Variants in DNAH7 observed in about 807,000 individuals in gnomAD.
DNAH7 encodes dynein axonemal heavy chain 7.
A neutral mutation model predicts 444.6 loss-of-function variants in DNAH7; 397 were observed. The ratio of observed to expected loss-of-function variants is 0.89; its 90% CI spans 0.82 to 0.97. DNAH7 has a LOEUF of 0.97. Among genes scored for constraint, DNAH7 ranks in the 50% least tolerant of loss-of-function variants. DNAH7 has a pLI of 0.00. For missense variants in DNAH7, 4,902 were observed against 4,800.8 expected (o/e 1.02, Z -0.62); for synonymous variants, 1,636 against 1,624.4 (o/e 1.01, Z -0.17).
intron 5 of DNAH7, among the ~76,000 whole-genome samples, chr2:196,042,100 C>T (rs959497299): frequency 6.6e-6 from 1 of 151,930 alleles, no homozygotes; most frequent in Non-Finnish European, 1.5e-5. Context: ...AGAATTCACA[C>T]ACACATTGTT....
chr2:195,907,214 T>C (rs1687083794), intron 25 of DNAH7, among the ~76,000 whole-genome samples: 1 of 152,190 alleles, frequency 6.6e-6, no homozygotes, highest in Non-Finnish European at 1.5e-5. Context: ...TGGAAAATTT[T>C]CCAATTAACA....
At chr2:195,979,997 GA>G (rs1389772304) in intron 15 of DNAH7, among the ~76,000 whole-genome samples, 1 of 129,472 alleles carries the variant, frequency 7.7e-6, no homozygotes, top group Non-Finnish European at 1.6e-5. Flanking sequence ...TCCCAACAAG[GA>G]AAAGCCCACG....
chr2:195,812,532 A>G (rs1400755897), intron 51 of DNAH7, among the ~76,000 whole-genome samples: 1 of 152,064 alleles, frequency 6.6e-6, no homozygotes, highest in African/African-American at 2.4e-5. Flanking sequence ...TTATTCTGTT[A>G]CATAAATTCT....
intron 58 of DNAH7, among the ~76,000 whole-genome samples, chr2:195,778,618 G>GGAAAAAAAAAAAAAAAAAAA (rs1365539221): frequency 4.6e-5 from 1 of 21,790 alleles, no homozygotes; most frequent in African/African-American, 2.0e-4. Context: ...GACCCTGTCT[G>GGAAAAAAAAAAAAAAAAAAA]AAAAAAAAAA....
chr2:195,744,579 G>A (rs1024777228), intron 63 of DNAH7, among the ~76,000 whole-genome samples: 23 of 152,194 alleles, frequency 1.5e-4, no homozygotes, highest in Non-Finnish European at 2.4e-4. Flanking sequence ...CCTCACCCCC[G>A]AGCAGCCTAA....
chr2:195,931,587 A>C (rs534720073), intron 21 of DNAH7, among the ~76,000 whole-genome samples: 4 of 151,754 alleles, frequency 2.6e-5, no homozygotes, highest in South Asian at 2.1e-4. Flanking sequence ...TCCATCTTGA[A>C]TTAATTTTTG....
chr2:195,898,010 T>C (rs575458473), intron 28 of DNAH7, among the ~76,000 whole-genome samples: 1 of 152,166 alleles, frequency 6.6e-6, no homozygotes, highest in Admixed American at 6.5e-5. Context: ...ATATGCTAAG[T>C]AAAGAGGTAT....
intron 19 of DNAH7, among the ~76,000 whole-genome samples, chr2:195,949,201 G>T (rs1690041202): frequency 6.6e-6 from 1 of 152,148 alleles, no homozygotes; most frequent in Non-Finnish European, 1.5e-5. Context: ...TGAGACAATG[G>T]AGTTTTCTAA....
chr2:196,059,581 T>C (rs927186179), intron 1 of DNAH7, among the ~76,000 whole-genome samples: 1 of 152,216 alleles, frequency 6.6e-6, no homozygotes, highest in African/African-American at 2.4e-5. Flanking sequence ...ATAGCTCCCA[T>C]GGTGTGGCTG....
intron 34 of DNAH7, among the ~76,000 whole-genome samples, chr2:195,885,462 C>G (rs1343424908): frequency 6.6e-6 from 1 of 152,158 alleles, no homozygotes; most frequent in Non-Finnish European, 1.5e-5. Context: ...TCTACTTCAA[C>G]CCTATTCACC....
chr2:195,796,255 T>C (rs1696132236), intron 56 of DNAH7, among the ~76,000 whole-genome samples: 1 of 152,184 alleles, frequency 6.6e-6, no homozygotes, highest in African/African-American at 2.4e-5. Flanking sequence ...CTTTAGGCCA[T>C]TGTTATAAAA....
chr2:195,757,702 A>T (rs1694149303), intron 61 of DNAH7, among the ~76,000 whole-genome samples: 1 of 152,230 alleles, frequency 6.6e-6, no homozygotes, highest in South Asian at 2.1e-4. Context: ...TAGTAGATTT[A>T]GCATACAGAA....
In DNAH7 at chr2:195,864,277, T is replaced by A. The variant is rs1030474601; in HGVS notation, c.7378A>T (p.Met2460Leu). 1.1e-5 allele frequency: 17 copies of A among 1,614,010 alleles called. No individual in the cohort carries two copies. In the African/African-American group the frequency reaches 2.1e-4, roughly 20 times the overall value. The change falls in exon 41 of 65, where the codon ATG becomes TTG. Residue 2460 changes from methionine to leucine, a missense_variant. Transcript: ENST00000312428. ...TGGCTGCGGCAATGATCAATAAACA[T>A]GTTGAAAAGGGCTATGGGGCTGCCA... ...TDGSPIALFN[M>L]FIDHCRSQLH...
At chr2:195,810,471 A>C (rs1473521252) in intron 51 of DNAH7, among the ~76,000 whole-genome samples, 1 of 152,034 alleles carries the variant, frequency 6.6e-6, no homozygotes, top group African/African-American at 2.4e-5. Context: ...GAGTGCAGTG[A>C]TGCAATCTTG....
intron 4 of DNAH7, 147 bp from the exon 5 acceptor site, chr2:196,047,646 A>G (rs918156741): frequency 3.3e-5 from 17 of 519,310 alleles, no homozygotes; most frequent in Non-Finnish European, 5.2e-5. Flanking sequence ...TTTTTTTACT[A>G]TCAGGAGGTT....
chr2:195,873,810 G>A (rs1015680426), intron 38 of DNAH7, 116 bp from the exon 39 acceptor site: 2 of 690,830 alleles, frequency 2.9e-6, no homozygotes, highest in Non-Finnish European at 4.2e-6. Flanking sequence ...GGCACATGAA[G>A]TTAAGAGTAA....
At chr2:195,836,937 T>C (rs1430482366) in intron 47 of DNAH7, among the ~76,000 whole-genome samples, 2 of 152,234 alleles carry the variant, frequency 1.3e-5, no homozygotes, top group African/African-American at 4.8e-5. Context: ...CTACTCATGT[T>C]TGAACATCAG....
intron 5 of DNAH7, among the ~76,000 whole-genome samples, chr2:196,032,955 A>C (rs1276844643): frequency 6.6e-6 from 1 of 152,200 alleles, no homozygotes. Flanking sequence ...CTAATATATA[A>C]AAAGCAACTA....
At chr2:195,738,976 A>G (rs2105867747) in intron 64 of DNAH7, among the ~76,000 whole-genome samples, 1 of 152,318 alleles carries the variant, frequency 6.6e-6, no homozygotes, top group Non-Finnish European at 1.5e-5. Context: ...GGGGATCCAC[A>G]AGGCAGTTTT....
Sources: allele counts gnomAD v4.1 joint callset (sites outside exome capture counted in the v4.1 genomes callset), GRCh38; gene constraint gnomAD v4.1.1; transcripts MANE v1.5; gene names NCBI Gene and HGNC (gene_info 2026-07-23, HGNC 2026-07-21).